The following IL1RAPL1 variants were observed in gnomAD, a reference collection of about 807,000 sequenced individuals.
The protein encoded by IL1RAPL1 is interleukin-1 receptor accessory protein-like 1.
A neutral mutation model predicts 48.4 loss-of-function variants in IL1RAPL1; 3 were observed. The observed-to-expected ratio is 0.06, with a 90% confidence interval of 0.03 to 0.16. The LOEUF (loss-of-function observed/expected upper bound fraction) is 0.16, where lower values mean the gene tolerates loss of function less well. Among genes scored for constraint, IL1RAPL1 ranks in the 10% least tolerant of loss-of-function variants. The pLI is 1.00. For missense variants in IL1RAPL1, 349 were observed against 530.6 expected, an observed-to-expected ratio of 0.66 and a Z score of 3.36; for synonymous variants, 185 against 187.7, an observed-to-expected ratio of 0.99 and a Z score of 0.12.
intron 2 of IL1RAPL1, among the ~76,000 whole-genome samples, chrX:29,089,620 C>T (rs1928035320): frequency 9.9e-6 from 1 of 101,033 alleles, no homozygotes; most frequent in Non-Finnish European, 2.0e-5. Context: ...TGCTTTTACT[C>T]TACAGGTTTG....
chrX:28,981,434 C>A (rs773610663), intron 2 of IL1RAPL1, among the ~76,000 whole-genome samples: 1 of 111,009 alleles, frequency 9.0e-6, no homozygotes, highest in African/African-American at 3.3e-5. Flanking sequence ...AATATTTTTT[C>A]TATTATGCCA....
chrX:29,059,799 A>G (rs1927301564), intron 2 of IL1RAPL1, among the ~76,000 whole-genome samples: 1 of 111,730 alleles, frequency 9.0e-6, no homozygotes, highest in Admixed American at 9.5e-5. Context: ...TTGATTTGGG[A>G]GAGCTATATG....
At chrX:29,246,150 CTTTTTTTTTTTT>C (rs761809643) in intron 2 of IL1RAPL1, among the ~76,000 whole-genome samples, 1 of 52,023 alleles carries the variant, frequency 1.9e-5, no homozygotes, top group Middle Eastern at 0.019. Context: ...TCTCATCGCT[CTTTTTTTTTTTT>C]TTTTTTTTTT....
chrX:29,333,537 T>TCC (rs1211940138), intron 3 of IL1RAPL1, among the ~76,000 whole-genome samples: 1 of 66,211 alleles, frequency 1.5e-5, no homozygotes, highest in African/African-American at 6.4e-5. Context: ...GGGGGGCTGA[T>TCC]CCCCCCACCT....
At chrX:28,829,255 C>G (rs1601921144) in intron 2 of IL1RAPL1, among the ~76,000 whole-genome samples, 2 of 111,126 alleles carry the variant, frequency 1.8e-5, no homozygotes, top group African/African-American at 3.3e-5. Flanking sequence ...TGTATAGATT[C>G]CTTAGTATTT....
intron 2 of IL1RAPL1, among the ~76,000 whole-genome samples, chrX:28,970,077 T>C: frequency 9.0e-6 from 1 of 111,159 alleles, no homozygotes; most frequent in South Asian, 3.7e-4. Context: ...CTCGGCTCAC[T>C]GCAACCTCCA....
At chrX:28,850,295 G>A (rs990398001) in intron 2 of IL1RAPL1, among the ~76,000 whole-genome samples, 37 of 111,058 alleles carry the variant, frequency 3.3e-4, no homozygotes, top group African/African-American at 1.1e-3. Context: ...ATCTCCTACC[G>A]CAAGAAACAC....
At chrX:29,620,657 C>G (rs1158274707) in intron 5 of IL1RAPL1, among the ~76,000 whole-genome samples, 1 of 111,897 alleles carries the variant, frequency 8.9e-6, no homozygotes, top group African/African-American at 3.2e-5. Context: ...AATGCAGCAG[C>G]TGTCAGTTGA....
At chrX:29,874,469 A>C (rs1931863408) in intron 6 of IL1RAPL1, among the ~76,000 whole-genome samples, 1 of 111,955 alleles carries the variant, frequency 8.9e-6, no homozygotes, top group Admixed American at 9.5e-5. Flanking sequence ...CAGCTACCCA[A>C]AGTGATGATG....
Position 29,956,653 on chromosome X carries a change from T to TTA in IL1RAPL1, c.*844_*845dup, listed in dbSNP as rs1172055894. On this transcript the variant is annotated 3_prime_UTR_variant, in exon 11 of 11. Coordinates refer to ENST00000378993, the MANE Select transcript of IL1RAPL1 (RefSeq NM_014271.4). ...GTTTTTTAAATGAGTTGATGTACCC[T>TTA]TATATATATATACATATATATATAA... The TTA allele has an allele frequency of 6.2e-4, 62 of 100,756 alleles. No individual in the cohort carries two copies. Among genetic ancestry groups the TTA allele is most frequent in the East Asian group, 2.7e-3 (9 of 3,301 alleles). 8.3% of individuals were successfully genotyped at this position (100,756 alleles called of 1,213,427 possible).
intron 5 of IL1RAPL1, among the ~76,000 whole-genome samples, chrX:29,614,908 G>A (rs191181436): frequency 1.6e-3 from 181 of 109,769 alleles, no homozygotes; most frequent in Admixed American, 0.016. Context: ...TGCAGTGAGC[G>A]GAGATCGCGA....
intron 2 of IL1RAPL1, among the ~76,000 whole-genome samples, chrX:28,834,930 C>A (rs995929091): frequency 1.8e-5 from 2 of 111,185 alleles, no homozygotes; most frequent in Non-Finnish European, 3.8e-5. Context: ...CACAAACACA[C>A]ACACCGATAA....
Position 29,419,662 on chromosome X carries a change from C to T in IL1RAPL1, c.703+20354C>T, listed in dbSNP as rs182173689. Among the ~76,000 whole-genome samples the T allele has an allele frequency of 4.0e-3, 448 of 112,320 alleles. 2 individuals are homozygous for T. Among genetic ancestry groups the T allele is most frequent in the African/African-American group, 0.014 (430 of 30,950 alleles). ...AAAATGTGTGCTTTTTTTGTTTGTT[C>T]ATAACATTCAGAGTTCTAGAGCATA... On this transcript the variant is annotated intron_variant, in intron 5 of 10. Coordinates refer to ENST00000378993, the MANE Select transcript of IL1RAPL1 (RefSeq NM_014271.4).
chrX:29,955,611 T>C lies in IL1RAPL1; in HGVS notation c.1882T>C (p.Tyr628His), dbSNP rs2147259256. 2 of 1,208,259 alleles carry C rather than the reference T, an allele frequency of 1.7e-6. No individual in the cohort carries two copies. The highest frequency in any genetic ancestry group is 2.2e-6 in the Non-Finnish European group (2 of 893,249). The change falls in exon 11 of 11, where the codon TAT becomes CAT. Residue 628 changes from tyrosine (Y) to histidine (H), a missense_variant. Transcript: ENST00000378993. ...GCGTCAGAAACACTACTACCGAAGCTATGAGTACGACGTACCTCCTACCGG... is the reference window on the plus strand; with the variant it reads ...GCGTCAGAAACACTACTACCGAAGCCATGAGTACGACGTACCTCCTACCGG... ...QMRQKHYYRSYEYDVPPTGTL... is the reference protein window; with the variant it reads ...QMRQKHYYRSHEYDVPPTGTL...
At chrX:28,610,116 A>T (rs1487956414) in intron 1 of IL1RAPL1, among the ~76,000 whole-genome samples, 4 of 111,948 alleles carry the variant, frequency 3.6e-5, no homozygotes. Context: ...AGTCAGTTTT[A>T]TGTTCTGCCA....
At chrX:29,101,961 C>A (rs1476645542) in intron 2 of IL1RAPL1, among the ~76,000 whole-genome samples, 1 of 111,230 alleles carries the variant, frequency 9.0e-6, no homozygotes, top group East Asian at 2.8e-4. Context: ...TAAAAAATAT[C>A]ATTTATCATG....
intron 5 of IL1RAPL1, among the ~76,000 whole-genome samples, chrX:29,464,310 GGAT>G (rs1254676314): frequency 9.0e-6 from 1 of 111,458 alleles, no homozygotes. Context: ...AGTAGATGCA[GGAT>G]CATCAAGTAT....
intron 2 of IL1RAPL1, among the ~76,000 whole-genome samples, chrX:29,033,502 G>T (rs777253034): frequency 9.0e-6 from 1 of 110,858 alleles, no homozygotes; most frequent in Admixed American, 9.7e-5. Context: ...GTTTGGGAGG[G>T]TATAGGCGAG....
chrX:28,645,347 CAAAAAAAAAAAAA>C (rs35814453), intron 1 of IL1RAPL1, among the ~76,000 whole-genome samples: 1 of 29,054 alleles, frequency 3.4e-5, no homozygotes, highest in Non-Finnish European at 6.0e-5. Context: ...AATTCCGCCT[CAAAAAAAAAAAAA>C]AAAAAAAAAA....
Sources: allele counts gnomAD v4.1 joint callset (sites outside exome capture counted in the v4.1 genomes callset), GRCh38; gene constraint gnomAD v4.1.1; transcripts MANE v1.5; gene names NCBI Gene and HGNC (gene_info 2026-07-23, HGNC 2026-07-21).